The following RYR1 variants were observed in gnomAD, a reference collection of about 807,000 sequenced individuals.
RYR1 encodes ryanodine receptor 1.
A neutral mutation model predicts 583.5 loss-of-function variants in RYR1; 342 were observed. That is an observed-to-expected ratio of 0.59 (90% CI 0.54 to 0.64). The LOEUF is 0.64. Ranked by LOEUF, RYR1 falls within the 30% of genes least tolerant of loss-of-function variation. RYR1 has a pLI of 0.00. For synonymous variants in RYR1, 2,791 were observed against 2,822.5 expected (o/e 0.99, Z 0.35); for missense variants, 6,032 against 6,917.2 (o/e 0.87, Z 4.54).
chr19:38,481,738 A>C (rs1039180020), intron 31 of RYR1, among the ~76,000 whole-genome samples: 1 of 152,024 alleles, frequency 6.6e-6, no homozygotes, highest in Non-Finnish European at 1.5e-5. Flanking sequence ...GTGAGCTATG[A>C]TAGCGCCACT....
Position 38,467,824 on chromosome 19 carries a change from C to T in RYR1, c.3381+12C>T. 6.2e-7 allele frequency: 1 copy of T among 1,613,088 alleles called. No homozygotes were observed. Among genetic ancestry groups the T allele is most frequent in the Non-Finnish European group, 8.5e-7 (1 of 1,179,698 alleles). ...TCAATGGGCACCGCGTGGGTACCTC[C>T]CTGGGCACCATTCTGCCAGGTCCTG... On this transcript the variant is annotated intron_variant, in intron 25 of 105. Coordinates refer to ENST00000359596, the MANE Select transcript of RYR1 (RefSeq NM_000540.3).
intron 67 of RYR1, among the ~76,000 whole-genome samples, chr19:38,520,693 CAAAAAAAAAAAAAA>C (rs71165555): frequency 4.3e-5 from 2 of 46,904 alleles, no homozygotes; most frequent in African/African-American, 1.1e-4. Flanking sequence ...GGCTCCACCT[CAAAAAAAAAAAAAA>C]AAAAAAAAAA....
intron 52 of RYR1, 95 bp downstream of exon 52, chr19:38,505,176 C>A (rs924174090): frequency 1.6e-6 from 2 of 1,258,928 alleles, no homozygotes; most frequent in African/African-American, 1.5e-5. Context: ...TCCCTGAGAC[C>A]CCCCAGCCTT....
Position 38,446,495 on chromosome 19 carries a change from C to G in RYR1, c.655C>G (p.Leu219Val). 1.2e-6 allele frequency: 2 copies of G among 1,614,150 alleles called. No individual in the cohort carries two copies. The highest frequency in any genetic ancestry group is 1.7e-6 in the Non-Finnish European group (2 of 1,179,990). The stretch of plus-strand genomic sequence containing the variant: ...AGGCTTCGTGACGGGAGGTCACGTC[C>G]TCCGCCTCTTTCATGGACATATGGA... ...EEGFVTGGHVLRLFHGHMDEC... is the reference protein window; with the variant it reads ...EEGFVTGGHVVRLFHGHMDEC... The change falls in exon 8 of 106, where the codon CTC (leucine) becomes GTC (valine). Residue 219 changes from leucine (L) to valine (V), a missense_variant. Coordinates refer to ENST00000359596, the MANE Select transcript of RYR1 (RefSeq NM_000540.3).
chr19:38,472,896 G>A (rs1412296514), intron 27 of RYR1, among the ~76,000 whole-genome samples: 1 of 150,580 alleles, frequency 6.6e-6, no homozygotes, highest in Non-Finnish European at 1.5e-5. Context: ...CACAGTTTTT[G>A]GGGCAAATTT....
intron 81 of RYR1, chr19:38,535,678 A>G (rs1449906805): frequency 1.7e-6 from 1 of 593,254 alleles, no homozygotes; most frequent in Admixed American, 2.9e-5. Flanking sequence ...GAGCTCTCTG[A>G]TGATCCCAAT....
chr19:38,546,328 G>T, intron 87 of RYR1, 117 bp from the exon 88 acceptor site: 1 of 801,602 alleles, frequency 1.2e-6, no homozygotes, highest in South Asian at 1.4e-5. Flanking sequence ...GGTCCCCTCG[G>T]AGGTAAGAGG....
intron 76 of RYR1, among the ~76,000 whole-genome samples, chr19:38,529,779 C>T (rs1350376510): frequency 6.6e-6 from 1 of 152,082 alleles, no homozygotes; most frequent in Non-Finnish European, 1.5e-5. Flanking sequence ...AATTGTGATG[C>T]AGATGGCGCA....
chr19:38,567,956 C>G (rs377293573), intron 93 of RYR1, 39 bp downstream of exon 93: 4 of 1,609,240 alleles, frequency 2.5e-6, no homozygotes, highest in Non-Finnish European at 3.4e-6. Context: ...TTCTTCTCCC[C>G]GGGAGCCCCA....
At position 38,489,184 on chromosome 19, in the gene RYR1, G is replaced by C. The variant is rs1568488176; in HGVS notation, c.5555G>C (p.Gly1852Ala). The C allele has an allele frequency of 2.5e-6, 4 of 1,614,130 alleles. No individual in the cohort carries two copies. Among genetic ancestry groups the C allele is most frequent in the Non-Finnish European group, 3.4e-6 (4 of 1,180,012 alleles). Residue 1852 changes from glycine (G) to alanine (A), a missense_variant, in exon 35 of 106, where the codon GGC becomes GCC. By Grantham distance (60) the Gly-to-Ala change is moderately conservative. Around this residue, in one of 11 missense-constraint regions of RYR1, gnomAD observed 2,627 missense variants for 2,961.3 expected, o/e 0.89. Transcript: ENST00000359596. ...CGAGACTTTGTCCTGTAGGTGATGGGCATCTTTGGCGATGAGGATGTGAAA... is the reference window on the plus strand; with the variant it reads ...CGAGACTTTGTCCTGTAGGTGATGGCCATCTTTGGCGATGAGGATGTGAAA... The part of the protein sequence containing the change: ...LKLVSTLLVM[G>A]IFGDEDVKQI...
At chr19:38,537,065 TG>T (rs1392646017) in intron 83 of RYR1, 2 of 535,268 alleles carry the variant, frequency 3.7e-6, no homozygotes, top group Non-Finnish European at 6.7e-6. Context: ...TCTTTCCAGC[TG>T]GATATTGTCG....
Position 38,466,118 on chromosome 19 carries a change from G to A in RYR1, c.2898G>A (p.Pro966=), listed in dbSNP as rs1364374466. The change falls in exon 24 of 106, where the codon CCG becomes CCA. Residue 966 remains proline (P), a synonymous_variant. Coordinates refer to ENST00000359596, the MANE Select transcript of RYR1 (RefSeq NM_000540.3). ...KTYMMSNGYK[P]APLDLSHVRL... ...ATATGATGAGCAATGGGTACAAGCC[G>A]GCTCCGCTGGACCTGAGCCACGTGC... 30 of 1,612,306 alleles carry A rather than the reference G, an allele frequency of 1.9e-5. No homozygotes were observed. The Middle Eastern group carries it at 4.9e-4, about 27-fold the overall frequency.
At position 38,580,382 on chromosome 19, in the gene RYR1, G is replaced by C; in HGVS notation, c.14524G>C (p.Val4842Leu). 6.2e-7 allele frequency: 1 copy of C among 1,614,090 alleles called. No homozygotes were observed. The highest frequency in any genetic ancestry group is 8.5e-7 in the Non-Finnish European group (1 of 1,180,020). ...ATCCTGCCCCCAGCTGGTGATGACC[G>C]TGGGCCTTCTGGCGGTGGTCGTCTA... Reference protein sequence around the residue: ...THNGKQLVMTVGLLAVVVYLY... With the variant: ...THNGKQLVMTLGLLAVVVYLY... The change falls in exon 101 of 106, where the codon GTG becomes CTG. Residue 4842 changes from valine to leucine, a missense_variant. Physicochemically the swap from Val to Leu is conservative, Grantham distance 32. Coordinates refer to ENST00000359596, the MANE Select transcript of RYR1 (RefSeq NM_000540.3).
chr19:38,535,054 A>T (rs973217619), intron 79 of RYR1, 87 bp from the exon 80 acceptor site: 6 of 1,365,944 alleles, frequency 4.4e-6, no homozygotes, highest in Non-Finnish European at 6.2e-6. Flanking sequence ...CCCTTCTCTC[A>T]CATCCCTTGG....
Position 38,587,492 on chromosome 19 carries a change from C to G in RYR1, c.*72C>G, listed in dbSNP as rs980095053. On this transcript the variant is annotated 3_prime_UTR_variant, in exon 106 of 106. Transcript: ENST00000359596. ...CACAGCAAGCCCCTTAGTCCCCAAGCCCCTCCCCCTAAGGCAGCTGGGGGA... is the reference window on the plus strand; with the variant it reads ...CACAGCAAGCCCCTTAGTCCCCAAGGCCCTCCCCCTAAGGCAGCTGGGGGA... 2 of 1,085,702 alleles carry G rather than the reference C, an allele frequency of 1.8e-6. No homozygotes were observed. Among genetic ancestry groups the G allele is most frequent in the Non-Finnish European group, 1.4e-6 (1 of 703,424 alleles). The allele number at this position is 1,085,702 out of a possible 1,614,324, so 67.3% of individuals were successfully genotyped here.
At chr19:38,462,415 G>C (rs4802479) in intron 20 of RYR1, among the ~76,000 whole-genome samples, 87,677 of 151,072 alleles carry the variant, frequency 0.58, 26,283 homozygotes, top group Admixed American at 0.67. Context: ...AGTGCCCTGG[G>C]CCTCACCCTG....
At chr19:38,439,193 T>G (rs190726599) in intron 1 of RYR1, among the ~76,000 whole-genome samples, 53 of 151,794 alleles carry the variant, frequency 3.5e-4, no homozygotes, top group Non-Finnish European at 4.4e-4. Context: ...ACTATTTTTT[T>G]TTTTGTTTGT....
At chr19:38,539,807 T>C (rs1286555988) in intron 84 of RYR1, among the ~76,000 whole-genome samples, 1 of 152,204 alleles carries the variant, frequency 6.6e-6, no homozygotes, top group African/African-American at 2.4e-5. Flanking sequence ...TGTCTCTCAC[T>C]TATTTGCACA....
In RYR1 at chr19:38,507,692, C is replaced by G; in HGVS notation, c.8817-20C>G. The G allele has an allele frequency of 6.7e-7, 1 of 1,489,106 alleles. No homozygotes were observed. Among genetic ancestry groups the G allele is most frequent in the South Asian group, 1.1e-5 (1 of 88,432 alleles). The allele number at this position is 1,489,106 out of a possible 1,614,324, so 92.2% of individuals were successfully genotyped here. A position where few individuals can be genotyped will look rare whatever the true frequency, so the allele number is the denominator to read the frequency against. On this transcript the variant is annotated intron_variant, in intron 57 of 105. Coordinates refer to ENST00000359596, the MANE Select transcript of RYR1 (RefSeq NM_000540.3). ...AGGGCCGGCGTCTGGGCTGATCCTT[C>G]TCTCCACATCTCCATGCAGAGGCCT...
Sources: allele counts gnomAD v4.1 joint callset (sites outside exome capture counted in the v4.1 genomes callset), GRCh38; gene constraint gnomAD v4.1.1; regional missense constraint gnomAD v4.1.1; transcripts MANE v1.5; gene names NCBI Gene and HGNC (gene_info 2026-07-23, HGNC 2026-07-21).